The following MACROD2 variants were observed in gnomAD, a reference collection of about 807,000 sequenced individuals.
The protein encoded by MACROD2 is ADP-ribose glycohydrolase MACROD2.
MACROD2 carries 36 observed loss-of-function variants against 70.4 expected under a neutral mutation model. The ratio of observed to expected loss-of-function variants is 0.51; its 90% CI spans 0.39 to 0.68. MACROD2 has a LOEUF of 0.68. Among genes scored for constraint, MACROD2 ranks in the 30% least tolerant of loss-of-function variants. The pLI, the probability that MACROD2 is intolerant of heterozygous loss-of-function variation, is 0.00. For synonymous variants in MACROD2, 172 were observed against 178.8 expected (o/e 0.96, Z 0.30); for missense variants, 496 against 538.4 (o/e 0.92, Z 0.78).
chr20:15,173,943 T>C (rs1178373669), intron 5 of MACROD2, among the ~76,000 whole-genome samples: 3 of 152,212 alleles, frequency 2.0e-5, no homozygotes, highest in Non-Finnish European at 4.4e-5. Flanking sequence ...ATAAAATGTT[T>C]TGTTCATTGG....
chr20:14,185,367 G>A (rs527595858), intron 3 of MACROD2, among the ~76,000 whole-genome samples: 17 of 152,220 alleles, frequency 1.1e-4, no homozygotes, highest in Non-Finnish European at 1.9e-4. Flanking sequence ...CCTAGGGAGA[G>A]CTACGTTTCT....
At chr20:14,540,789 C>A (rs2085422898) in intron 4 of MACROD2, among the ~76,000 whole-genome samples, 1 of 152,156 alleles carries the variant, frequency 6.6e-6, no homozygotes, top group African/African-American at 2.4e-5. Flanking sequence ...AGGCTGGCAA[C>A]AGAGAGGTTC....
intron 5 of MACROD2, among the ~76,000 whole-genome samples, chr20:14,895,788 G>T (rs2073821085): frequency 6.6e-6 from 1 of 152,024 alleles, no homozygotes; most frequent in Non-Finnish European, 1.5e-5. Flanking sequence ...TCTCAGGTTA[G>T]GTTCCTTTCT....
At chr20:14,286,956 A>G (rs74499439) in intron 3 of MACROD2, among the ~76,000 whole-genome samples, 2,286 of 152,108 alleles carry the variant, frequency 0.015, 24 homozygotes, top group African/African-American at 0.027. Flanking sequence ...TTTTATTCCT[A>G]CTCCATGACC....
At chr20:14,741,100 A>T (rs1382993382) in intron 5 of MACROD2, among the ~76,000 whole-genome samples, 1 of 152,180 alleles carries the variant, frequency 6.6e-6, no homozygotes, top group Non-Finnish European at 1.5e-5. Flanking sequence ...CATTTCGGTC[A>T]TTTATATATT....
Position 14,258,947 on chromosome 20 carries a change from A to C in MACROD2, c.271+173219A>C, listed in dbSNP as rs1009614342. On this transcript the variant is annotated intron_variant, in intron 3 of 17. Coordinates refer to ENST00000684519, the MANE Select transcript of MACROD2 (RefSeq NM_001351661.2). ...AATTTTTAAAATTAGTTAATTTATT[A>C]ATTTGTTTTTTCCCAGACAGAGTCT... 2.6e-5 allele frequency among the ~76,000 whole-genome samples: 4 copies of C among 152,000 alleles called. 1 individual carries two copies. In the South Asian group the frequency reaches 8.3e-4, roughly 32 times the overall value.
intron 3 of MACROD2, among the ~76,000 whole-genome samples, chr20:14,389,333 A>G (rs575423791): frequency 8.0e-5 from 12 of 150,680 alleles, no homozygotes; most frequent in South Asian, 4.2e-4. Flanking sequence ...GCGGCAGGAG[A>G]ATCGCTTGAA....
At chr20:15,993,015 C>A (rs2066578756) in intron 15 of MACROD2, among the ~76,000 whole-genome samples, 1 of 152,080 alleles carries the variant, frequency 6.6e-6, no homozygotes, top group Non-Finnish European at 1.5e-5. Flanking sequence ...AGAAAATTAA[C>A]CTTCTCTAAA....
chr20:14,717,995 C>T (rs1339188627), intron 5 of MACROD2, among the ~76,000 whole-genome samples: 1 of 151,988 alleles, frequency 6.6e-6, no homozygotes, highest in Non-Finnish European at 1.5e-5. Flanking sequence ...CACACACACA[C>T]GTCTGTGAAT....
chr20:14,170,388 A>G (rs2081210151), intron 3 of MACROD2, among the ~76,000 whole-genome samples: 1 of 152,162 alleles, frequency 6.6e-6, no homozygotes, highest in Non-Finnish European at 1.5e-5. Context: ...TATGTTGAAT[A>G]TAGGTGATGA....
At chr20:14,200,875 T>C (rs2081473892) in intron 3 of MACROD2, among the ~76,000 whole-genome samples, 1 of 152,148 alleles carries the variant, frequency 6.6e-6, no homozygotes, top group Non-Finnish European at 1.5e-5. Flanking sequence ...CTCTTAAAGT[T>C]CTAGTCTTGC....
chr20:15,843,325 C>T (rs175814), intron 8 of MACROD2, among the ~76,000 whole-genome samples: 20,527 of 152,170 alleles, frequency 0.13, 1,665 homozygotes, highest in South Asian at 0.27. Flanking sequence ...TAAAGTGTGA[C>T]TACCGCTTTT....
At position 14,594,879 on chromosome 20, in the gene MACROD2, G is replaced by A. The variant is rs533003824; in HGVS notation, c.302-89964G>A. Among the ~76,000 whole-genome samples, 48 of 152,248 alleles carry A rather than the reference G, an allele frequency of 3.2e-4. No homozygotes were observed. In the South Asian group the frequency reaches 4.6e-3, roughly 14 times the overall value. On this transcript the variant is annotated intron_variant, in intron 4 of 17. Transcript: ENST00000684519. Reference sequence around the variant, plus strand: ...TGCACTCCAGCCTGGATGAAAGAGCGAGACTCCATCTCAAAAAACAAACAA... The same window carrying A: ...TGCACTCCAGCCTGGATGAAAGAGCAAGACTCCATCTCAAAAAACAAACAA...
At chr20:14,369,351 A>G (rs762713054) in intron 3 of MACROD2, among the ~76,000 whole-genome samples, 3 of 152,222 alleles carry the variant, frequency 2.0e-5, no homozygotes, top group Non-Finnish European at 2.9e-5. Context: ...AGGGTTGCCT[A>G]CTGGGGAAGC....
intron 12 of MACROD2, among the ~76,000 whole-genome samples, chr20:15,955,545 G>T (rs1225549084): frequency 6.6e-6 from 1 of 151,996 alleles, no homozygotes; most frequent in Non-Finnish European, 1.5e-5. Context: ...TGATCCTTTG[G>T]CAAGCTATAA....
chr20:15,974,455 C>T (rs1482467810), intron 13 of MACROD2, among the ~76,000 whole-genome samples: 1 of 152,036 alleles, frequency 6.6e-6, no homozygotes, highest in African/African-American at 2.4e-5. Flanking sequence ...AATTATATGA[C>T]ATTCTGGAAA....
intron 6 of MACROD2, among the ~76,000 whole-genome samples, chr20:15,382,163 G>A (rs1443818236): frequency 6.6e-6 from 1 of 152,118 alleles, no homozygotes; most frequent in Non-Finnish European, 1.5e-5. Flanking sequence ...AGCAGGAGGA[G>A]AAGTATAAAT....
intron 3 of MACROD2, among the ~76,000 whole-genome samples, chr20:14,427,074 G>A (rs2083942327): frequency 6.6e-6 from 1 of 151,934 alleles, no homozygotes; most frequent in East Asian, 1.9e-4. Flanking sequence ...AAATTTGGTT[G>A]GCTCTTACAT....
intron 5 of MACROD2, among the ~76,000 whole-genome samples, chr20:14,996,827 C>G (rs1313968529): frequency 6.6e-6 from 1 of 152,070 alleles, no homozygotes; most frequent in Non-Finnish European, 1.5e-5. Flanking sequence ...AAAGGGGAAC[C>G]GTCCACACCA....
Sources: gnomAD v4.1 joint callset for allele counts (sites outside exome capture counted in the v4.1 genomes callset) on GRCh38, gnomAD v4.1.1 for gene constraint, MANE v1.5 for transcripts, NCBI Gene and HGNC (gene_info 2026-07-23, HGNC 2026-07-21) for gene names.